Variants in FSTL5 observed in about 807,000 individuals in gnomAD.
FSTL5 encodes follistatin-related protein 5.
FSTL5 carries 62 observed loss-of-function variants against 89.1 expected under a neutral mutation model. The ratio of observed to expected loss-of-function variants is 0.70; its 90% CI spans 0.57 to 0.86. The LOEUF is 0.86. FSTL5 is among the 40% of genes least tolerant of loss of function. The pLI is 0.00. For synonymous variants in FSTL5, 383 were observed against 346.2 expected, an observed-to-expected ratio of 1.11 and a Z score of -1.18; for missense variants, 1,057 against 1,001.6, an observed-to-expected ratio of 1.06 and a Z score of -0.75.
intron 2 of FSTL5, among the ~76,000 whole-genome samples, chr4:162,057,236 T>C (rs544656587): frequency 6.6e-6 from 1 of 152,310 alleles, no homozygotes; most frequent in South Asian, 2.1e-4. Flanking sequence ...TCGAGTAGGA[T>C]TGTAAAAGCT....
chr4:161,610,794 T>C (rs1215781171), intron 7 of FSTL5, among the ~76,000 whole-genome samples: 2 of 152,058 alleles, frequency 1.3e-5, no homozygotes, highest in East Asian at 3.9e-4. Flanking sequence ...TTTTTTTATA[T>C]TTTGGTTGTA....
chr4:162,022,949 G>T (rs1157090386), intron 3 of FSTL5: 1 of 152,158 alleles, frequency 6.6e-6, no homozygotes, highest in East Asian at 1.9e-4. Flanking sequence ...GGGAGGAGGA[G>T]GATGATGAGA....
intron 13 of FSTL5, among the ~76,000 whole-genome samples, chr4:161,469,196 T>G (rs988220634): frequency 5.3e-5 from 8 of 152,288 alleles, no homozygotes; most frequent in African/African-American, 1.7e-4. Flanking sequence ...ATGACTGGCT[T>G]ATTTCACTTA....
chr4:161,411,523 C>A (rs1469025606), intron 15 of FSTL5, among the ~76,000 whole-genome samples: 2 of 152,122 alleles, frequency 1.3e-5, no homozygotes, highest in Admixed American at 1.3e-4. Context: ...GCATGCAGGG[C>A]TAATTCAACA....
At chr4:161,944,077 G>T (rs768473727) in intron 3 of FSTL5, among the ~76,000 whole-genome samples, 70 of 152,094 alleles carry the variant, frequency 4.6e-4, no homozygotes, top group Non-Finnish European at 8.7e-4. Context: ...TCCTTTCTCT[G>T]CAATGCCAAT....
intron 2 of FSTL5, among the ~76,000 whole-genome samples, chr4:162,043,526 A>G (rs1313826637): frequency 6.6e-6 from 1 of 152,158 alleles, no homozygotes; most frequent in Non-Finnish European, 1.5e-5. Flanking sequence ...ATAGCTGTCA[A>G]CTGATCAGAG....
intron 3 of FSTL5, among the ~76,000 whole-genome samples, chr4:161,969,481 G>A (rs1284758719): frequency 6.6e-6 from 1 of 152,148 alleles, no homozygotes; most frequent in Non-Finnish European, 1.5e-5. Flanking sequence ...AAGATAGAGA[G>A]ATCAAAATAC....
intron 9 of FSTL5, among the ~76,000 whole-genome samples, chr4:161,540,940 T>A (rs1731800385): frequency 6.6e-6 from 1 of 152,126 alleles, no homozygotes; most frequent in African/African-American, 2.4e-5. Context: ...GTCTCCTGTC[T>A]CTTGATGAAT....
chr4:162,068,678 A>AAACCAC (rs1009699691), intron 2 of FSTL5, among the ~76,000 whole-genome samples: 7 of 152,198 alleles, frequency 4.6e-5, no homozygotes, highest in African/African-American at 1.7e-4. Flanking sequence ...AGCAACTGCA[A>AAACCAC]CAAAAGCAAA....
chr4:161,485,140 A>G (rs1426838188), intron 12 of FSTL5, among the ~76,000 whole-genome samples: 1 of 152,202 alleles, frequency 6.6e-6, no homozygotes, highest in African/African-American at 2.4e-5. Flanking sequence ...ATGAACTGAA[A>G]AGTCTAAGAT....
rs570057423 is a variant in FSTL5, at chr4:161,666,995, GT to G, written c.728-10502del. ...AATTCTTGTGCAGAATTGAAATATTGTTTTTTATTCTCATTATATTCTTTTT... is the reference window on the plus strand; with the variant it reads ...AATTCTTGTGCAGAATTGAAATATTGTTTTTATTCTCATTATATTCTTTTT... On this transcript the variant is annotated intron_variant, in intron 6 of 15. Coordinates refer to ENST00000306100, the MANE Select transcript of FSTL5 (RefSeq NM_020116.5). Among the ~76,000 whole-genome samples the G allele has an allele frequency of 4.7e-3, 716 of 152,022 alleles. 1 individual carries two copies. The highest frequency in any genetic ancestry group is 0.016 in the African/African-American group (683 of 41,516).
At chr4:162,149,628 G>A (rs1733149432) in intron 1 of FSTL5, among the ~76,000 whole-genome samples, 1 of 151,820 alleles carries the variant, frequency 6.6e-6, no homozygotes, top group Non-Finnish European at 1.5e-5. Context: ...ACTCCTGCCT[G>A]GGTGACAGAG....
At chr4:161,994,290 T>C (rs1487689666) in intron 3 of FSTL5, among the ~76,000 whole-genome samples, 1 of 152,202 alleles carries the variant, frequency 6.6e-6, no homozygotes, top group Non-Finnish European at 1.5e-5. Context: ...CAGCCTGTCA[T>C]TGATGGGCAT....
chr4:161,767,406 G>T (rs1741050482), intron 5 of FSTL5, among the ~76,000 whole-genome samples: 1 of 152,170 alleles, frequency 6.6e-6, no homozygotes, highest in African/African-American at 2.4e-5. Flanking sequence ...TTACACGTTT[G>T]TCGAGGCTTT....
At chr4:161,462,709 A>G (rs1182803608) in intron 13 of FSTL5, among the ~76,000 whole-genome samples, 4 of 151,856 alleles carry the variant, frequency 2.6e-5, no homozygotes, top group Admixed American at 6.6e-5. Flanking sequence ...AATACCACTC[A>G]TACTACTACT....
intron 4 of FSTL5, among the ~76,000 whole-genome samples, chr4:161,813,086 A>G (rs28661482): frequency 2.5e-4 from 37 of 150,646 alleles, no homozygotes; most frequent in African/African-American, 8.8e-4. Context: ...AAGTGCAGTG[A>G]CGCAATCTCG....
chr4:161,733,682 T>C (rs1317987919), intron 6 of FSTL5, among the ~76,000 whole-genome samples: 2 of 152,060 alleles, frequency 1.3e-5, no homozygotes, highest in Admixed American at 6.6e-5. Context: ...CTTTTTTAAG[T>C]TTGCTGACAT....
At chr4:161,758,909 T>C (rs1276019670) in intron 6 of FSTL5, among the ~76,000 whole-genome samples, 1 of 152,238 alleles carries the variant, frequency 6.6e-6, no homozygotes, top group East Asian at 1.9e-4. Context: ...ATTTAGTCAC[T>C]CTGAAGACAC....
intron 1 of FSTL5, among the ~76,000 whole-genome samples, chr4:162,151,228 AG>A (rs1733212031): frequency 1.3e-5 from 2 of 152,188 alleles, no homozygotes; most frequent in South Asian, 2.1e-4. Flanking sequence ...TTAAATTAGC[AG>A]GTTTTATATT....
Sources: allele counts gnomAD v4.1 joint callset (sites outside exome capture counted in the v4.1 genomes callset), GRCh38; gene constraint gnomAD v4.1.1; transcripts MANE v1.5; gene names NCBI Gene and HGNC (gene_info 2026-07-23, HGNC 2026-07-21).